The following GRID2 variants were observed in gnomAD, a reference collection of about 807,000 sequenced individuals.
GRID2 encodes glutamate ionotropic receptor delta type subunit 2, also known as glutamate receptor ionotropic, delta-2.
A neutral mutation model predicts 114.8 loss-of-function variants in GRID2; 33 were observed. The ratio of observed to expected loss-of-function variants is 0.29; its 90% confidence interval spans 0.22 to 0.38. The LOEUF is 0.38. Ranked by LOEUF, GRID2 falls within the 10% of genes least tolerant of loss-of-function variation. The probability of loss-of-function intolerance (pLI) is 1.00; values close to 1 mark genes in which losing one functional copy is unlikely to be tolerated. For synonymous variants in GRID2, 505 were observed against 449.9 expected, an observed-to-expected ratio of 1.12 and a Z score of -1.55; for missense variants, 1,184 against 1,257.7, an observed-to-expected ratio of 0.94 and a Z score of 0.89.
intron 1 of GRID2, among the ~76,000 whole-genome samples, chr4:92,493,369 A>G (rs975273288): frequency 3.5e-4 from 54 of 152,286 alleles, no homozygotes; most frequent in African/African-American, 1.3e-3. Flanking sequence ...TGGGTAATGC[A>G]TCACCATCAG....
intron 1 of GRID2, among the ~76,000 whole-genome samples, chr4:92,527,124 G>A (rs1019321646): frequency 3.9e-5 from 6 of 151,964 alleles, no homozygotes; most frequent in African/African-American, 1.2e-4. Flanking sequence ...GCATGAAATA[G>A]TGGCATAACT....
chr4:93,568,858 G>A (rs1279577915), intron 13 of GRID2, among the ~76,000 whole-genome samples: 1 of 152,062 alleles, frequency 6.6e-6, no homozygotes, highest in Non-Finnish European at 1.5e-5. Flanking sequence ...ATGTATAATC[G>A]TAGGGAACAC....
At chr4:92,798,084 G>A (rs999680388) in intron 2 of GRID2, among the ~76,000 whole-genome samples, 1 of 151,808 alleles carries the variant, frequency 6.6e-6, no homozygotes, top group African/African-American at 2.4e-5. Flanking sequence ...TAAAAAAGGG[G>A]GGGTTAAGTA....
intron 1 of GRID2, among the ~76,000 whole-genome samples, chr4:92,444,543 G>C (rs79465875): frequency 3.9e-5 from 6 of 152,098 alleles, no homozygotes; most frequent in African/African-American, 1.4e-4. Context: ...GTTAAGGTGG[G>C]GCAGGGCATA....
At chr4:93,743,085 G>T (rs1007431026) in intron 14 of GRID2, among the ~76,000 whole-genome samples, 4 of 152,170 alleles carry the variant, frequency 2.6e-5, no homozygotes, top group Non-Finnish European at 4.4e-5. Context: ...AAGTGAAACA[G>T]CCTTATTACT....
chr4:93,629,463 G>A (rs1009064591), intron 14 of GRID2, among the ~76,000 whole-genome samples: 4 of 151,942 alleles, frequency 2.6e-5, no homozygotes, highest in Non-Finnish European at 2.9e-5. Context: ...AAAACCTCTC[G>A]CTAAATTCAG....
At chr4:92,681,776 A>AT (rs1733660860) in intron 2 of GRID2, among the ~76,000 whole-genome samples, 1 of 152,208 alleles carries the variant, frequency 6.6e-6, no homozygotes, top group South Asian at 2.1e-4. Flanking sequence ...AGAAAAAGAG[A>AT]AAAACAATAG....
intron 2 of GRID2, among the ~76,000 whole-genome samples, chr4:92,887,817 C>CT (rs1746480481): frequency 6.6e-6 from 1 of 152,168 alleles, no homozygotes; most frequent in Admixed American, 6.5e-5. Context: ...AAATCTGATT[C>CT]TGTCCTTAAG....
chr4:92,977,488 A>C (rs996076700), intron 2 of GRID2, among the ~76,000 whole-genome samples: 13 of 152,330 alleles, frequency 8.5e-5, no homozygotes, highest in Admixed American at 7.9e-4. Flanking sequence ...GGCATGAGCC[A>C]GATCTTTGAA....
chr4:92,448,359 G>A (rs1733579907), intron 1 of GRID2, among the ~76,000 whole-genome samples: 1 of 152,008 alleles, frequency 6.6e-6, no homozygotes, highest in Admixed American at 6.6e-5. Context: ...TAGAGATGGG[G>A]TTTCACTATC....
intron 2 of GRID2, among the ~76,000 whole-genome samples, chr4:92,927,712 G>T (rs559557441): frequency 2.6e-5 from 4 of 151,834 alleles, no homozygotes; most frequent in Non-Finnish European, 4.4e-5. Context: ...CTGAGAGTGT[G>T]CATTTAATTT....
At chr4:92,538,181 G>A (rs1725748493) in intron 1 of GRID2, among the ~76,000 whole-genome samples, 2 of 152,100 alleles carry the variant, frequency 1.3e-5, no homozygotes, top group South Asian at 4.1e-4. Context: ...TCTCTCACTA[G>A]TGTTCAAAAC....
At chr4:93,671,362 C>A (rs1475765229) in intron 14 of GRID2, among the ~76,000 whole-genome samples, 1 of 152,096 alleles carries the variant, frequency 6.6e-6, no homozygotes, top group Admixed American at 6.5e-5. Flanking sequence ...TTTGAGCATT[C>A]AAAAGTCTTG....
At chr4:92,509,232 A>G (rs1724122613) in intron 1 of GRID2, among the ~76,000 whole-genome samples, 5 of 151,990 alleles carry the variant, frequency 3.3e-5, no homozygotes, top group Admixed American at 2.0e-4. Context: ...AGAAAAAAAC[A>G]TAACCATTAG....
chr4:93,496,614 G>A (rs1182843545), intron 12 of GRID2, among the ~76,000 whole-genome samples: 1 of 151,694 alleles, frequency 6.6e-6, no homozygotes, highest in Non-Finnish European at 1.5e-5. Context: ...GTGTAATATA[G>A]GATTGAATCA....
intron 2 of GRID2, among the ~76,000 whole-genome samples, chr4:92,763,543 G>C (rs1738121911): frequency 6.6e-6 from 1 of 152,176 alleles, no homozygotes; most frequent in African/African-American, 2.4e-5. Flanking sequence ...GTAATCTAAA[G>C]ATGATTTAAA....
chr4:92,570,759 T>C (rs1198503025), intron 1 of GRID2, among the ~76,000 whole-genome samples: 5 of 152,122 alleles, frequency 3.3e-5, no homozygotes, highest in Non-Finnish European at 7.4e-5. Context: ...TTGTCTGTTG[T>C]TGGCATATAG....
intron 4 of GRID2, among the ~76,000 whole-genome samples, chr4:93,189,256 T>C: frequency 6.6e-6 from 1 of 150,844 alleles, no homozygotes; most frequent in East Asian, 2.0e-4. Context: ...TTGCTCACAA[T>C]TATGGAGACT....
intron 3 of GRID2, among the ~76,000 whole-genome samples, chr4:93,105,450 T>G (rs1019325968): frequency 9.2e-5 from 14 of 152,178 alleles, no homozygotes; most frequent in African/African-American, 3.4e-4. Context: ...GGTCTAACGT[T>G]TAAGTCTTTA....
Sources: allele counts gnomAD v4.1 joint callset (sites outside exome capture counted in the v4.1 genomes callset), GRCh38; gene constraint gnomAD v4.1.1; transcripts MANE v1.5; gene names NCBI Gene and HGNC (gene_info 2026-07-23, HGNC 2026-07-21).